The following CFAP47 variants were observed in gnomAD, a reference collection of about 807,000 sequenced individuals.
The protein encoded by CFAP47 is cilia and flagella associated protein 47, also known as cilia- and flagella-associated protein 47.
A neutral mutation model predicts 148.1 loss-of-function variants in CFAP47; 29 were observed. The observed-to-expected ratio is 0.20, with a 90% CI of 0.15 to 0.27. The LOEUF (loss-of-function observed/expected upper bound fraction) is 0.27, where lower values mean the gene tolerates loss of function less well. Among genes scored for constraint, CFAP47 ranks in the 10% least tolerant of loss-of-function variants. The pLI is 1.00. For missense variants in CFAP47, 1,872 were observed against 1,697.5 expected, an observed-to-expected ratio of 1.10 and a Z score of -1.81; for synonymous variants, 664 against 577.3, an observed-to-expected ratio of 1.15 and a Z score of -2.15.
At chrX:36,377,712 C>T (rs782549350) in intron 62 of CFAP47, among the ~76,000 whole-genome samples, 6 of 111,812 alleles carry the variant, frequency 5.4e-5, no homozygotes, top group Non-Finnish European at 9.4e-5. Flanking sequence ...CTGTCTTATT[C>T]ATTCTCATTT....
intron 42 of CFAP47, among the ~76,000 whole-genome samples, chrX:36,195,646 A>G (rs1209114759): frequency 2.7e-5 from 3 of 111,411 alleles, no homozygotes. Context: ...ACACTGCTTC[A>G]CATACTCCCT....
chrX:36,236,062 T>C lies in CFAP47; in HGVS notation c.7143T>C (p.Phe2381=), dbSNP rs372387962. ...ATCCTCTCACATTCAAACCTATTTT[T>C]GAATGTGTCATTACGGTATGAACTC... The part of the protein sequence containing the change: ...VEYPLTFKPI[F]ECVITGKLIL... The change falls in exon 47 of 64, where the codon TTT becomes TTC. Residue 2381 remains phenylalanine (F), a synonymous_variant. Coordinates refer to ENST00000378653, the MANE Select transcript of CFAP47 (RefSeq NM_001304548.2). The C allele has an allele frequency of 1.8e-5, 9 of 501,091 alleles. No homozygotes were observed. The highest frequency in any genetic ancestry group is 1.5e-4 in the East Asian group (4 of 26,952). The allele number at this position is 501,091 out of a possible 1,213,427, so 41.3% of individuals were successfully genotyped here.
At chrX:36,071,069 A>G (rs1179374238) in intron 27 of CFAP47, among the ~76,000 whole-genome samples, 1 of 112,346 alleles carries the variant, frequency 8.9e-6, no homozygotes, top group African/African-American at 3.2e-5. Context: ...TGGAGGTGTA[A>G]CACTGCCTCT....
intron 26 of CFAP47, among the ~76,000 whole-genome samples, chrX:36,063,974 C>T (rs1267206266): frequency 1.8e-5 from 2 of 112,027 alleles, no homozygotes; most frequent in Non-Finnish European, 3.8e-5. Flanking sequence ...ATGGGCCTGC[C>T]CCAGGGTACA....
At chrX:35,936,580 T>G (rs1235142766) in intron 2 of CFAP47, among the ~76,000 whole-genome samples, 2 of 110,164 alleles carry the variant, frequency 1.8e-5, no homozygotes, top group Non-Finnish European at 3.8e-5. Context: ...TGACAGGTGA[T>G]TTTTGATTGA....
At chrX:35,968,670 C>T (rs1348568968) in intron 10 of CFAP47, among the ~76,000 whole-genome samples, 1 of 110,907 alleles carries the variant, frequency 9.0e-6, no homozygotes, top group African/African-American at 3.3e-5. Context: ...ATTTTTAGGA[C>T]ATAATTGTTT....
intron 51 of CFAP47, among the ~76,000 whole-genome samples, chrX:36,297,048 A>G (rs1941249553): frequency 8.9e-6 from 1 of 112,064 alleles, no homozygotes; most frequent in African/African-American, 3.2e-5. Context: ...GTCTCCTGAA[A>G]CCATTGTAGA....
rs915806304 is a variant in CFAP47, at chrX:36,259,062, T to A, written c.7444+7618T>A. On this transcript the variant is annotated intron_variant, in intron 49 of 63. Coordinates refer to ENST00000378653, the MANE Select transcript of CFAP47 (RefSeq NM_001304548.2). ...TTTCAGGGTGGCTATGGGGATTAAA[T>A]GGAAATATATGAAAACTGTTGATTT... Among the ~76,000 whole-genome samples, 5 of 111,273 alleles carry A rather than the reference T, an allele frequency of 4.5e-5. No individual in the cohort carries two copies. In the East Asian group the frequency reaches 1.4e-3, roughly 32 times the overall value.
chrX:36,285,414 G>C (rs992826249), intron 50 of CFAP47, among the ~76,000 whole-genome samples: 1 of 111,720 alleles, frequency 9.0e-6, no homozygotes, highest in Admixed American at 9.5e-5. Flanking sequence ...CCAGGAACTT[G>C]TACAGGACAT....
At chrX:36,091,210 T>G (rs1276480022) in intron 30 of CFAP47, among the ~76,000 whole-genome samples, 1 of 111,418 alleles carries the variant, frequency 9.0e-6, no homozygotes, top group Non-Finnish European at 1.9e-5. Context: ...TAGGGTTTAC[T>G]CTCTGGTGGA....
chrX:36,338,035 A>ATTTTTTTTTTTTT (rs1209274928), intron 57 of CFAP47, among the ~76,000 whole-genome samples: 26 of 46,563 alleles, frequency 5.6e-4, no homozygotes, highest in Non-Finnish European at 7.6e-4. Flanking sequence ...ACGCCTGGCT[A>ATTTTTTTTTTTTT]TTTTTTTTTT....
At chrX:36,221,752 G>A (rs1386573236) in intron 45 of CFAP47, among the ~76,000 whole-genome samples, 3 of 110,467 alleles carry the variant, frequency 2.7e-5, no homozygotes, top group African/African-American at 6.6e-5. Flanking sequence ...ATTCAAAAAG[G>A]GAAAAATCCA....
chrX:36,174,394 C>G (rs1169871693), intron 39 of CFAP47, among the ~76,000 whole-genome samples: 1 of 109,579 alleles, frequency 9.1e-6, no homozygotes, highest in African/African-American at 3.3e-5. Flanking sequence ...TCTTCCTAGT[C>G]TCGATGGTCT....
chrX:36,250,727 TAAA>T (rs1940681123), intron 48 of CFAP47, among the ~76,000 whole-genome samples: 1 of 110,437 alleles, frequency 9.1e-6, no homozygotes, highest in Non-Finnish European at 1.9e-5. Context: ...AAAAGTATGC[TAAA>T]TAAAAAAGTC....
In CFAP47 at chrX:35,953,629, T is replaced by C. The variant is rs1289044424; in HGVS notation, c.1084T>C (p.Tyr362His). ...AVGKKDIGPS[Y>H]RQDYALFLRF... Reference sequence around the variant, plus strand: ...TGGTAAAAAGGATATTGGACCTTCATACAGACAGGACTATGCTCTCTTTTT... The same window carrying C: ...TGGTAAAAAGGATATTGGACCTTCACACAGACAGGACTATGCTCTCTTTTT... Residue 362 changes from tyrosine (Y) to histidine (H), a missense_variant, in exon 7 of 64, where the codon TAC (tyrosine) becomes CAC (histidine). Coordinates refer to ENST00000378653, the MANE Select transcript of CFAP47 (RefSeq NM_001304548.2). 1.7e-6 allele frequency: 2 copies of C among 1,195,468 alleles called. No individual in the cohort carries two copies. Among genetic ancestry groups the C allele is most frequent in the East Asian group, 3.0e-5 (1 of 33,447 alleles).
chrX:36,144,594 G>T (rs749439276), intron 35 of CFAP47: 1 of 1,025,862 alleles, frequency 9.7e-7, no homozygotes, highest in Non-Finnish European at 1.3e-6. Context: ...GGAGATGGAT[G>T]CAGGAGTCAG....
intron 21 of CFAP47, among the ~76,000 whole-genome samples, chrX:36,002,584 A>G (rs1469341396): frequency 9.0e-6 from 1 of 111,398 alleles, no homozygotes; most frequent in Non-Finnish European, 1.9e-5. Flanking sequence ...TTTCGTCTCA[A>G]AAAACCAACC....
chrX:36,325,510 T>C (rs1239062095), intron 57 of CFAP47, among the ~76,000 whole-genome samples: 5 of 111,382 alleles, frequency 4.5e-5, no homozygotes, highest in Non-Finnish European at 9.4e-5. Context: ...TACGGAATAG[T>C]TTTCCTGGGA....
intron 2 of CFAP47, among the ~76,000 whole-genome samples, chrX:35,939,562 G>A (rs1424755348): frequency 2.2e-5 from 2 of 91,036 alleles, no homozygotes; most frequent in Non-Finnish European, 4.3e-5. Context: ...TTTTGTTCTT[G>A]CGATAGTTTA....
Sources: allele counts gnomAD v4.1 joint callset (sites outside exome capture counted in the v4.1 genomes callset), GRCh38; gene constraint gnomAD v4.1.1; transcripts MANE v1.5; gene names NCBI Gene and HGNC (gene_info 2026-07-23, HGNC 2026-07-21).